The following KDM4C variants were observed in gnomAD, a reference collection of about 807,000 sequenced individuals.
KDM4C encodes the protein lysine demethylase 4C, also known as lysine-specific demethylase 4C.
Under a neutral mutation model 129.3 loss-of-function variants are expected in KDM4C, and 81 were observed. The observed-to-expected ratio is 0.63, with a 90% CI of 0.52 to 0.75. The LOEUF (loss-of-function observed/expected upper bound fraction) is 0.75. Ranked by LOEUF, KDM4C falls within the 30% of genes least tolerant of loss-of-function variation. KDM4C has a pLI of 0.00. For synonymous variants in KDM4C, 573 were observed against 456.1 expected (o/e 1.26, Z -3.26); for missense variants, 1,457 against 1,304.0 (o/e 1.12, Z -1.81).
chr9:7,134,177 A>G (rs7863776), intron 19 of KDM4C, among the ~76,000 whole-genome samples: 80,869 of 152,124 alleles, frequency 0.53, 21,701 homozygotes, highest in Middle Eastern at 0.63. Context: ...CATGGCCCAC[A>G]TGGCCTTTCA....
chr9:6,805,526 A>G, intron 2 of KDM4C, 73 bp from the exon 3 acceptor site: 1 of 984,570 alleles, frequency 1.0e-6, no homozygotes, highest in South Asian at 2.3e-5. Context: ...GTTGTAGTTT[A>G]TCAGAATACT....
At chr9:6,840,857 T>C (rs1836795050) in intron 4 of KDM4C, among the ~76,000 whole-genome samples, 2 of 152,216 alleles carry the variant, frequency 1.3e-5, no homozygotes, top group African/African-American at 4.8e-5. Flanking sequence ...GTGCATGCCA[T>C]GTTGTTAGGT....
At chr9:6,800,973 G>A (rs1377836879) in intron 2 of KDM4C, among the ~76,000 whole-genome samples, 2 of 152,150 alleles carry the variant, frequency 1.3e-5, no homozygotes, top group African/African-American at 4.8e-5. Context: ...TATAAAATAT[G>A]TAGTATCCTT....
At chr9:7,076,771 G>C (rs888670018) in intron 17 of KDM4C, 2 of 1,095,524 alleles carry the variant, frequency 1.8e-6, no homozygotes, top group African/African-American at 3.3e-5. Flanking sequence ...CTGTATCCTA[G>C]AGTTTCCCTT....
At chr9:6,988,940 G>A (rs760613310) in intron 11 of KDM4C, among the ~76,000 whole-genome samples, 26 of 152,056 alleles carry the variant, frequency 1.7e-4, no homozygotes, top group Non-Finnish European at 3.4e-4. Flanking sequence ...CATATTTACC[G>A]AGTAGTATTT....
intron 4 of KDM4C, among the ~76,000 whole-genome samples, chr9:6,828,609 G>T (rs1834282683): frequency 6.6e-6 from 1 of 152,048 alleles, no homozygotes; most frequent in Non-Finnish European, 1.5e-5. Context: ...GGTGGCTCAC[G>T]CCTGTAATCC....
chr9:7,046,060 T>C (rs1319100320), intron 15 of KDM4C, among the ~76,000 whole-genome samples: 1 of 152,018 alleles, frequency 6.6e-6, no homozygotes, highest in Non-Finnish European at 1.5e-5. Context: ...AGGACAAGCT[T>C]GAAACAATTT....
intron 1 of KDM4C, among the ~76,000 whole-genome samples, chr9:6,782,791 T>C (rs985151916): frequency 6.6e-6 from 1 of 152,178 alleles, no homozygotes; most frequent in African/African-American, 2.4e-5. Context: ...CTAGAAAGTT[T>C]GCTTTATGTT....
Position 6,849,487 on chromosome 9 carries a change from T to C in KDM4C, c.436-20T>C. On this transcript the variant is annotated intron_variant, in intron 4 of 21. Coordinates refer to ENST00000381309, the MANE Select transcript of KDM4C (RefSeq NM_015061.6). The stretch of plus-strand genomic sequence containing the variant: ...TTAGTAAGATTTGATTTCTCTCTCT[T>C]TTTTTCTCTCTCATTCCAGGGTGTG... 6.6e-7 allele frequency: 1 copy of C among 1,518,580 alleles called. No homozygotes were observed. The highest frequency in any genetic ancestry group is 1.4e-5 in the African/African-American group (1 of 72,798). The allele number at this position is 1,518,580 out of a possible 1,614,324, so 94.1% of individuals were successfully genotyped here.
At position 7,102,070 on chromosome 9, in the gene KDM4C, G is replaced by A. The variant is rs540027159; in HGVS notation, c.2425-1615G>A. Among the ~76,000 whole-genome samples, 111 of 152,280 alleles carry A rather than the reference G, an allele frequency of 7.3e-4. 1 individual carries two copies. Among genetic ancestry groups the A allele is most frequent in the Non-Finnish European group, 1.4e-3 (94 of 68,018 alleles). ...ATAATGCTCTTAGGCAGATTATGAT[G>A]TCTTTTTAGTTTTATGGTTCTGTGT... On this transcript the variant is annotated intron_variant, in intron 17 of 21. Coordinates refer to ENST00000381309, the MANE Select transcript of KDM4C (RefSeq NM_015061.6).
chr9:6,971,774 A>G (rs1014543523), intron 8 of KDM4C, among the ~76,000 whole-genome samples: 1 of 152,198 alleles, frequency 6.6e-6, no homozygotes, highest in Admixed American at 6.5e-5. Flanking sequence ...GTTCTACACA[A>G]TGATCAGGTA....
intron 1 of KDM4C, among the ~76,000 whole-genome samples, chr9:6,787,912 T>C (rs1825809490): frequency 6.6e-6 from 1 of 152,198 alleles, no homozygotes; most frequent in Non-Finnish European, 1.5e-5. Context: ...TCAGTTCCCA[T>C]CTCATGCAGA....
At chr9:6,894,505 C>T (rs1037948648) in intron 8 of KDM4C, among the ~76,000 whole-genome samples, 2 of 152,208 alleles carry the variant, frequency 1.3e-5, no homozygotes, top group East Asian at 1.9e-4. Flanking sequence ...ATAACAAGGT[C>T]TGTTATTTTA....
At chr9:6,877,518 G>A (rs1319580029) in intron 5 of KDM4C, among the ~76,000 whole-genome samples, 2 of 152,272 alleles carry the variant, frequency 1.3e-5, no homozygotes, top group Admixed American at 1.3e-4. Context: ...TTATTTTTAA[G>A]GGCCCTTCCA....
chr9:7,013,764 AT>A, intron 13 of KDM4C, 23 bp from the exon 14 acceptor site: 1 of 1,607,870 alleles, frequency 6.2e-7, no homozygotes. Flanking sequence ...TTTTTCACTC[AT>A]GTGGAAACGT....
chr9:6,874,207 G>A (rs181796862), intron 5 of KDM4C, among the ~76,000 whole-genome samples: 44 of 152,304 alleles, frequency 2.9e-4, no homozygotes, highest in Middle Eastern at 6.8e-3. Flanking sequence ...AGATAGGCTT[G>A]GTTAGCACTG....
At chr9:6,998,659 G>C (rs934655941) in intron 12 of KDM4C, among the ~76,000 whole-genome samples, 1 of 152,144 alleles carries the variant, frequency 6.6e-6, no homozygotes, top group South Asian at 2.1e-4. Flanking sequence ...AGCTGAGTGT[G>C]GTGGCACACA....
intron 21 of KDM4C, among the ~76,000 whole-genome samples, chr9:7,173,752 A>G (rs7022345): frequency 0.84 from 128,321 of 152,258 alleles, 54,435 homozygotes; most frequent in African/African-American, 0.92. Context: ...GACAGCAATG[A>G]AGAAGGAAGG....
intron 1 of KDM4C, among the ~76,000 whole-genome samples, chr9:6,748,053 C>T (rs1817937917): frequency 6.6e-6 from 1 of 151,934 alleles, no homozygotes; most frequent in African/African-American, 2.4e-5. Context: ...TGGCATGCGC[C>T]TATGAGGGAG....
Sources: allele counts gnomAD v4.1 joint callset (sites outside exome capture counted in the v4.1 genomes callset), GRCh38; gene constraint gnomAD v4.1.1; transcripts MANE v1.5; gene names NCBI Gene and HGNC (gene_info 2026-07-23, HGNC 2026-07-21).